The following RNF10 variants were observed in gnomAD, a reference collection of about 807,000 sequenced individuals.
The protein encoded by RNF10 is ring finger protein 10.
RNF10 carries 38 observed loss-of-function variants against 91.4 expected under a neutral mutation model. That is an observed-to-expected ratio of 0.42 (90% CI 0.32 to 0.54). The LOEUF is 0.54. Among genes scored for constraint, RNF10 ranks in the 20% least tolerant of loss-of-function variants. RNF10 has a pLI of 0.16. For missense variants in RNF10, 945 were observed against 1,012.0 expected (o/e 0.93, Z 0.90); for synonymous variants, 364 against 366.3 (o/e 0.99, Z 0.07).
At chr12:120,552,886 G>A (rs1873327241) in intron 3 of RNF10, among the ~76,000 whole-genome samples, 188 bp downstream of exon 3, 1 of 151,954 alleles carries the variant, frequency 6.6e-6, no homozygotes, top group Admixed American at 6.6e-5. Flanking sequence ...GATGTTTTTG[G>A]TACTTAATAT....
Position 120,575,910 on chromosome 12 carries a change from C to T in RNF10, c.2319C>T (p.Phe773=), listed in dbSNP as rs771189433. The part of the protein sequence containing the change: ...NSFSQAIEAA[F]MKLDTPATSD... The stretch of plus-strand genomic sequence containing the variant: ...TCAGCCAAGCTATTGAAGCAGCCTT[C>T]ATGAAACTGGACACACCAGCTACTT... Residue 773 remains phenylalanine (F), a synonymous_variant, in exon 16 of 17, where the codon TTC becomes TTT. Coordinates refer to ENST00000325954, the MANE Select transcript of RNF10 (RefSeq NM_014868.5). The T allele has an allele frequency of 6.2e-7, 1 of 1,614,096 alleles. No individual in the cohort carries two copies. The highest frequency in any genetic ancestry group is 1.7e-5 in the Admixed American group (1 of 60,014).
chr12:120,551,825 C>A (rs997464493), intron 2 of RNF10, among the ~76,000 whole-genome samples: 3 of 151,876 alleles, frequency 2.0e-5, no homozygotes, highest in African/African-American at 7.3e-5. Flanking sequence ...CTGTATTACT[C>A]CATTCTCTCA....
chr12:120,553,429 G>A (rs1393189395), intron 3 of RNF10, among the ~76,000 whole-genome samples: 2 of 129,872 alleles, frequency 1.5e-5, no homozygotes, highest in African/African-American at 5.9e-5. Context: ...TTGAGACAAA[G>A]TCTTGCTCTG....
rs1877431991 is a variant in RNF10, at chr12:120,576,645, C to T, written c.2415C>T (p.Thr805=). 10 of 1,614,014 alleles carry T rather than the reference C, an allele frequency of 6.2e-6. No homozygotes were observed. Among genetic ancestry groups the T allele is most frequent in the Non-Finnish European group, 7.6e-6 (9 of 1,179,950 alleles). ...AGAAACAGAAGCTCCTGTTCAGCAC[C>T]TCAGTCGTCCACACCAAGTGACACT... is the stretch of plus-strand genomic sequence containing the variant. ...KKQKQKLLFS[T]SVVHTK Residue 805 remains threonine, a synonymous_variant, in exon 17 of 17, where the codon ACC becomes ACT. Transcript: ENST00000325954.
chr12:120,539,603 CT>C (rs1239846442), intron 1 of RNF10: 1 of 397,922 alleles, frequency 2.5e-6, no homozygotes, highest in Non-Finnish European at 4.9e-6. Flanking sequence ...CTGTGAAAAA[CT>C]TGTGGCCCTT....
At chr12:120,576,542 C>T in intron 16 of RNF10, 48 bp from the exon 17 acceptor site, 4 of 1,598,656 alleles carry the variant, frequency 2.5e-6, no homozygotes, top group Non-Finnish European at 3.4e-6. Flanking sequence ...GGCCAGGGGA[C>T]AAGGGATGGC....
At chr12:120,560,258 T>G (rs1763736501) in intron 6 of RNF10, among the ~76,000 whole-genome samples, 1 of 150,932 alleles carries the variant, frequency 6.6e-6, no homozygotes, top group Non-Finnish European at 1.5e-5. Flanking sequence ...TTCAAGCGAT[T>G]CTCCTGCCTC....
At chr12:120,539,449 T>C (rs930744951) in intron 1 of RNF10, 75 of 1,286,572 alleles carry the variant, frequency 5.8e-5, no homozygotes, top group Admixed American at 2.5e-4. Flanking sequence ...GAGGTGCTTG[T>C]CAACTACTCT....
At chr12:120,566,557 T>C (rs1314290084) in intron 12 of RNF10, among the ~76,000 whole-genome samples, 1 of 151,266 alleles carries the variant, frequency 6.6e-6, no homozygotes, top group Non-Finnish European at 1.5e-5. Flanking sequence ...AGCTCAGGAG[T>C]TCAAGACCAG....
chr12:120,570,637 TG>T (rs1876489644), intron 13 of RNF10, among the ~76,000 whole-genome samples: 2 of 152,150 alleles, frequency 1.3e-5, no homozygotes, highest in Admixed American at 1.3e-4. Flanking sequence ...GACTCATCTG[TG>T]GGAAGTGTTC....
chr12:120,563,413 T>C lies in RNF10; in HGVS notation c.1321T>C (p.Ser441Pro), dbSNP rs566669417. 11 of 1,614,090 alleles carry C rather than the reference T, an allele frequency of 6.8e-6. No homozygotes were observed. In the African/African-American group the frequency reaches 1.1e-4, roughly 16 times the overall value. ...TTEVCSLDTP[S>P]RPLALPLVEE... The stretch of plus-strand genomic sequence containing the variant: ...GGAAGTTTGTTCTCTGGACACTCCT[T>C]CTAGACCTCTTGCTCTCCCTCTGGT... The change falls in exon 9 of 17, where the codon TCT (serine) becomes CCT (proline). Residue 441 changes from serine (S) to proline (P), a missense_variant. Transcript: ENST00000325954.
intron 1 of RNF10, among the ~76,000 whole-genome samples, chr12:120,541,681 G>C (rs1871595447): frequency 1.3e-5 from 2 of 151,246 alleles, no homozygotes; most frequent in Non-Finnish European, 2.9e-5. Flanking sequence ...TGATCCACCT[G>C]CCTTGGCCTC....
chr12:120,546,728 T>G, intron 2 of RNF10, 127 bp downstream of exon 2: 1 of 773,112 alleles, frequency 1.3e-6, no homozygotes. Flanking sequence ...AAAGCAGTCT[T>G]GAGTAGGCGA....
chr12:120,540,088 AAAAAT>A (rs1191594153), intron 1 of RNF10, among the ~76,000 whole-genome samples: 4 of 139,760 alleles, frequency 2.9e-5, no homozygotes, highest in African/African-American at 7.9e-5. Context: ...TAAAAAAAAA[AAAAAT>A]AGGGGTGTGT....
intron 1 of RNF10, chr12:120,539,420 G>A: frequency 2.3e-6 from 3 of 1,288,960 alleles, no homozygotes; most frequent in Non-Finnish European, 3.0e-6. Context: ...CTGTAGTAAG[G>A]CCATATGTTG....
At chr12:120,552,991 C>G (rs950602546) in intron 3 of RNF10, among the ~76,000 whole-genome samples, 8 of 141,970 alleles carry the variant, frequency 5.6e-5, no homozygotes, top group Non-Finnish European at 1.1e-4. Context: ...CCTTAAGTAA[C>G]TTAACAGCTT....
In RNF10 at chr12:120,572,900, C is replaced by CTTTTT. The variant is rs35567785; in HGVS notation, c.2142+1626_2142+1630dup. 1.8e-4 allele frequency among the ~76,000 whole-genome samples: 18 copies of CTTTTT among 100,612 alleles called. No individual in the cohort carries two copies. In the East Asian group the frequency reaches 3.7e-3, roughly 21 times the overall value. 66.0% of individuals were successfully genotyped at this position (100,612 alleles called of 152,430 possible). On this transcript the variant is annotated intron_variant, in intron 14 of 16. Transcript: ENST00000325954. ...ACAGACATGAACCACTGCGCCTGGC[C>CTTTTT]TTTTTTTTTTTTTTTTTTTTTAAAC...
In RNF10 at chr12:120,571,237, C is replaced by G; in HGVS notation, c.2088C>G (p.Pro696=). Reference sequence around the variant, plus strand: ...CACCCACTGCCAGTCAGGGCAGTCCCTCATTCTGCGTTGGGAGTCTGGAAG... The same window carrying G: ...CACCCACTGCCAGTCAGGGCAGTCCGTCATTCTGCGTTGGGAGTCTGGAAG... ...PLSPTASQGS[P]SFCVGSLEED... is the part of the protein sequence containing the mutation. The change falls in exon 14 of 17, where the codon CCC becomes CCG. Residue 696 remains proline, a synonymous_variant. Transcript: ENST00000325954. The G allele has an allele frequency of 6.2e-7, 1 of 1,614,104 alleles. No individual in the cohort carries two copies. Among genetic ancestry groups the G allele is most frequent in the African/African-American group, 1.3e-5 (1 of 75,032 alleles).
intron 14 of RNF10, among the ~76,000 whole-genome samples, chr12:120,571,693 G>A (rs578070650): frequency 7.7e-4 from 118 of 152,276 alleles, no homozygotes; most frequent in African/African-American, 2.7e-3. Flanking sequence ...GATAACTTGT[G>A]TACTGGATAC....
Sources: gnomAD v4.1 joint callset for allele counts (sites outside exome capture counted in the v4.1 genomes callset) on GRCh38, gnomAD v4.1.1 for gene constraint, MANE v1.5 for transcripts, NCBI Gene and HGNC (gene_info 2026-07-23, HGNC 2026-07-21) for gene names.